The following MED12L variants were observed in gnomAD, a reference collection of about 807,000 sequenced individuals.
The protein encoded by MED12L is mediator complex subunit 12L.
In MED12L, 60 loss-of-function variants were observed where a neutral mutation model predicts 281.3. That is an observed-to-expected ratio of 0.21 (90% CI 0.17 to 0.26). The LOEUF (loss-of-function observed/expected upper bound fraction) is 0.26, where lower values mean the gene tolerates loss of function less well. Ranked by LOEUF, MED12L falls within the 10% of genes least tolerant of loss-of-function variation. The probability of loss-of-function intolerance (pLI) is 1.00; values close to 1 mark genes in which losing one functional copy is unlikely to be tolerated. For synonymous variants in MED12L, 974 were observed against 987.2 expected, an observed-to-expected ratio of 0.99 and a Z score of 0.25; for missense variants, 2,146 against 2,680.9, an observed-to-expected ratio of 0.80 and a Z score of 4.41.
At chr3:151,223,472 A>T (rs1035549647) in intron 16 of MED12L, among the ~76,000 whole-genome samples, 8 of 152,248 alleles carry the variant, frequency 5.3e-5, no homozygotes, top group African/African-American at 1.9e-4. Flanking sequence ...TGGATGAAGA[A>T]AATATGGTAC....
At chr3:151,352,435 T>C (rs1753350255) in intron 17 of MED12L, among the ~76,000 whole-genome samples, 1 of 152,232 alleles carries the variant, frequency 6.6e-6, no homozygotes, top group Admixed American at 6.5e-5. Context: ...ATTTGGGATG[T>C]AGTGAGCTGC....
chr3:151,090,658 C>G (rs565313028), intron 2 of MED12L, among the ~76,000 whole-genome samples: 86 of 152,300 alleles, frequency 5.6e-4, no homozygotes, highest in Middle Eastern at 6.8e-3. Context: ...TCCTTTGCAT[C>G]TATCTGCTTT....
At chr3:151,391,352 A>G (rs149777508) in intron 38 of MED12L, among the ~76,000 whole-genome samples, 2 of 152,224 alleles carry the variant, frequency 1.3e-5, no homozygotes, top group Non-Finnish European at 2.9e-5. Flanking sequence ...TCAAATATCT[A>G]CATCACTTCC....
At chr3:151,386,247 G>A (rs575141210) in intron 36 of MED12L, among the ~76,000 whole-genome samples, 139 of 152,256 alleles carry the variant, frequency 9.1e-4, no homozygotes, top group African/African-American at 2.8e-3. Flanking sequence ...CAGTGTCAGC[G>A]GACTTCCTGG....
At chr3:151,252,007 T>G (rs1736942063) in intron 16 of MED12L, among the ~76,000 whole-genome samples, 1 of 152,168 alleles carries the variant, frequency 6.6e-6, no homozygotes, top group Admixed American at 6.5e-5. Context: ...CTGTGTAATT[T>G]GTCTGAGTTC....
intron 43 of MED12L, among the ~76,000 whole-genome samples, chr3:151,420,239 T>A (rs1379458909): frequency 6.6e-6 from 1 of 152,224 alleles, no homozygotes; most frequent in Non-Finnish European, 1.5e-5. Flanking sequence ...AATAGTAGAC[T>A]GATTTCATCT....
chr3:151,366,114 T>G, intron 23 of MED12L, 123 bp downstream of exon 23: 1 of 865,538 alleles, frequency 1.2e-6, no homozygotes, highest in Non-Finnish European at 1.6e-6. Context: ...TATTTTTTCT[T>G]TCTCTGTCCA....
intron 26 of MED12L, among the ~76,000 whole-genome samples, chr3:151,370,839 A>G (rs1417187648): frequency 6.6e-6 from 1 of 152,226 alleles, no homozygotes; most frequent in Non-Finnish European, 1.5e-5. Flanking sequence ...GCAGAAACCA[A>G]GATGAGTACC....
At chr3:151,234,590 C>T (rs996674752) in intron 16 of MED12L, among the ~76,000 whole-genome samples, 1 of 152,130 alleles carries the variant, frequency 6.6e-6, no homozygotes, top group Non-Finnish European at 1.5e-5. Context: ...CCAAAAATAT[C>T]CTTATTTTAC....
intron 5 of MED12L, among the ~76,000 whole-genome samples, chr3:151,148,871 G>A (rs60966250): frequency 0.039 from 5,919 of 152,222 alleles, 375 homozygotes; most frequent in African/African-American, 0.13. Context: ...GAAAAAGAAT[G>A]GAAAGTCCAA....
intron 2 of MED12L, among the ~76,000 whole-genome samples, chr3:151,088,878 A>G (rs774084008): frequency 2.0e-5 from 3 of 152,190 alleles, no homozygotes; most frequent in South Asian, 4.1e-4. Flanking sequence ...ATGCTAAATT[A>G]TCTTCTGATG....
At chr3:151,400,837 G>GA (rs1002218556) in intron 39 of MED12L, among the ~76,000 whole-genome samples, 3 of 151,988 alleles carry the variant, frequency 2.0e-5, no homozygotes, top group South Asian at 2.1e-4. Flanking sequence ...GACGAGAATA[G>GA]AAAAAATGTA....
intron 39 of MED12L, among the ~76,000 whole-genome samples, chr3:151,395,663 A>G (rs1435928511): frequency 6.6e-6 from 1 of 152,246 alleles, no homozygotes; most frequent in Non-Finnish European, 1.5e-5. Context: ...AGCACTTACT[A>G]TATGCCAAAA....
At chr3:151,145,303 C>A (rs1169442332) in intron 5 of MED12L, among the ~76,000 whole-genome samples, 1 of 152,178 alleles carries the variant, frequency 6.6e-6, no homozygotes, top group African/African-American at 2.4e-5. Flanking sequence ...AATATTGTTA[C>A]TCTGCATGAT....
At chr3:151,168,677 A>G (rs905570654) in intron 11 of MED12L, among the ~76,000 whole-genome samples, 1 of 152,222 alleles carries the variant, frequency 6.6e-6, no homozygotes, top group African/African-American at 2.4e-5. Flanking sequence ...AACAAAATAG[A>G]TGGATCCTTC....
chr3:151,110,404 A>G (rs1711681017), intron 2 of MED12L, among the ~76,000 whole-genome samples: 1 of 152,198 alleles, frequency 6.6e-6, no homozygotes, highest in Non-Finnish European at 1.5e-5. Context: ...TTTTCCTCTA[A>G]AAGGGGTCTA....
At chr3:151,258,725 G>T (rs566789862) in intron 16 of MED12L, among the ~76,000 whole-genome samples, 1 of 152,080 alleles carries the variant, frequency 6.6e-6, no homozygotes, top group Non-Finnish European at 1.5e-5. Context: ...GGTGGTGCAT[G>T]CCTGTAGTCC....
chr3:151,361,904 G>C (rs1380284415), intron 21 of MED12L, among the ~76,000 whole-genome samples: 1 of 152,038 alleles, frequency 6.6e-6, no homozygotes, highest in Non-Finnish European at 1.5e-5. Context: ...GGGCTGGAAA[G>C]TAAATGCTTA....
intron 5 of MED12L, among the ~76,000 whole-genome samples, chr3:151,135,598 T>C (rs1716029302): frequency 6.6e-6 from 1 of 152,150 alleles, no homozygotes; most frequent in South Asian, 2.1e-4. Context: ...GTTGGATCCC[T>C]GCCCAGGCAC....
Sources: allele counts gnomAD v4.1 joint callset (sites outside exome capture counted in the v4.1 genomes callset), GRCh38; gene constraint gnomAD v4.1.1; transcripts MANE v1.5; gene names NCBI Gene and HGNC (gene_info 2026-07-23, HGNC 2026-07-21).